IFT80: variants seen among roughly 807,000 people sequenced by gnomAD.
The protein encoded by IFT80 is intraflagellar transport 80, also known as intraflagellar transport protein 80 homolog.
Under a neutral mutation model 107.9 loss-of-function variants are expected in IFT80, and 79 were observed. The observed-to-expected ratio is 0.73, with a 90% CI of 0.61 to 0.88. The LOEUF (loss-of-function observed/expected upper bound fraction) is 0.88. Ranked by LOEUF, IFT80 falls within the 40% of genes least tolerant of loss-of-function variation. The pLI is 0.00. For synonymous variants in IFT80, 299 were observed against 300.9 expected (o/e 0.99, Z 0.07); for missense variants, 797 against 914.2 (o/e 0.87, Z 1.65).
chr3:160,395,063 A>G (rs1713675850), intron 1 of IFT80, among the ~76,000 whole-genome samples: 1 of 152,222 alleles, frequency 6.6e-6, no homozygotes, highest in African/African-American at 2.4e-5. Context: ...AGTATTATTT[A>G]ATCTATCCAC....
intron 8 of IFT80, among the ~76,000 whole-genome samples, chr3:160,340,382 T>C (rs1193448681): frequency 6.6e-6 from 1 of 152,166 alleles, no homozygotes; most frequent in African/African-American, 2.4e-5. Flanking sequence ...TAGAAAAACA[T>C]AATTTGATTA....
intron 5 of IFT80, chr3:160,373,353 T>C (rs1711696283): frequency 6.6e-6 from 1 of 152,202 alleles, no homozygotes; most frequent in Non-Finnish European, 1.5e-5. Flanking sequence ...CTGAATGCAT[T>C]TTCCCCATGA....
chr3:160,382,826 C>T (rs1201773664), intron 2 of IFT80, among the ~76,000 whole-genome samples: 3 of 151,978 alleles, frequency 2.0e-5, no homozygotes, highest in African/African-American at 7.3e-5. Flanking sequence ...TTTTTTAATA[C>T]TTCAAAATAC....
intron 14 of IFT80, 82 bp downstream of exon 14, chr3:160,282,396 T>C (rs915455333): frequency 1.0e-6 from 1 of 1,004,026 alleles, no homozygotes; most frequent in African/African-American, 1.6e-5. Context: ...TTAAAACATT[T>C]CCAGATTCAT....
At chr3:160,366,389 G>A (rs989403864) in intron 5 of IFT80, among the ~76,000 whole-genome samples, 1 of 151,884 alleles carries the variant, frequency 6.6e-6, no homozygotes, top group Non-Finnish European at 1.5e-5. Context: ...TAACTAATTA[G>A]GATCTTGCTG....
rs1307233017 is a variant in IFT80 at position 160,258,397 on chromosome 3, A to G, written c.*128T>C. 1 of 1,125,422 alleles carries G rather than the reference A, an allele frequency of 8.9e-7. No individual in the cohort carries two copies. The highest frequency in any genetic ancestry group is 1.3e-6 in the Non-Finnish European group (1 of 776,338). 69.7% of individuals were successfully genotyped at this position (1,125,422 alleles called of 1,614,324 possible). A position where few individuals can be genotyped will look rare whatever the true frequency, so the allele number is the denominator to read the frequency against. ...ATCTTTCTGCATGTACTTTTACACT[A>G]AATACACAGCAAGTACTTATACTCG... On this transcript the variant is annotated 3_prime_UTR_variant, in exon 20 of 20. Transcript: ENST00000326448.
chr3:160,282,422 C>G (rs1203975001), intron 14 of IFT80, 56 bp downstream of exon 14: 1 of 1,166,508 alleles, frequency 8.6e-7, no homozygotes, highest in Admixed American at 2.2e-5. Context: ...TTATTTATTA[C>G]AGCAAATATA....
chr3:160,334,428 C>CTTT (rs34377587), intron 8 of IFT80, among the ~76,000 whole-genome samples: 10 of 141,944 alleles, frequency 7.0e-5, no homozygotes, highest in African/African-American at 2.3e-4. Flanking sequence ...AATTGGCTCG[C>CTTT]TTTTTTTTTT....
intron 8 of IFT80, among the ~76,000 whole-genome samples, chr3:160,320,458 T>C (rs1485413137): frequency 1.3e-5 from 2 of 151,686 alleles, no homozygotes; most frequent in African/African-American, 4.8e-5. Context: ...CTGCAGTGAG[T>C]ATAACCTCTC....
intron 8 of IFT80, chr3:160,342,981 G>T: frequency 6.4e-6 from 1 of 155,296 alleles, no homozygotes; most frequent in South Asian, 1.9e-4. Context: ...ACTGGACACA[G>T]AATCTGTGTG....
intron 9 of IFT80, among the ~76,000 whole-genome samples, chr3:160,316,383 G>T (rs550691231): frequency 6.6e-6 from 1 of 152,296 alleles, no homozygotes; most frequent in African/African-American, 2.4e-5. Context: ...TCAATGCCTT[G>T]CTTGCAGCCT....
In IFT80 at chr3:160,258,274, G is replaced by A. The variant is rs1712514249; in HGVS notation, c.*251C>T. 2 of 479,088 alleles carry A rather than the reference G, an allele frequency of 4.2e-6. No homozygotes were observed. The highest frequency in any genetic ancestry group is 3.7e-5 in the East Asian group (1 of 27,194). The allele number at this position is 479,088 out of a possible 1,614,324, so 29.7% of individuals were successfully genotyped here. On this transcript the variant is annotated 3_prime_UTR_variant, in exon 20 of 20. Transcript: ENST00000326448. ...ATGGGCAAAAAACTGACATATAATC[G>A]ACACTACACAGGTATCTCTTAAGTA...
intron 12 of IFT80, among the ~76,000 whole-genome samples, chr3:160,287,084 A>G (rs919165763): frequency 3.9e-5 from 6 of 151,996 alleles, no homozygotes; most frequent in Admixed American, 2.0e-4. Context: ...ATGTAATAAA[A>G]CCCCATACAA....
At chr3:160,353,335 A>G (rs1195848175) in intron 8 of IFT80, among the ~76,000 whole-genome samples, 1 of 152,216 alleles carries the variant, frequency 6.6e-6, no homozygotes, top group East Asian at 1.9e-4. Flanking sequence ...CTCTGGTTGC[A>G]GGTAGTGAGA....
chr3:160,318,022 A>G lies in IFT80; in HGVS notation c.957+1738T>C, dbSNP rs907871953. Among the ~76,000 whole-genome samples the G allele has an allele frequency of 6.6e-5, 10 of 151,450 alleles. No individual in the cohort carries two copies. In the South Asian group the frequency reaches 2.1e-3, roughly 31 times the overall value. On this transcript the variant is annotated intron_variant, in intron 9 of 19. Coordinates refer to ENST00000326448, the MANE Select transcript of IFT80 (RefSeq NM_020800.3). ...GATAATGGTAGTGTGGTTATATTAAAACAGAGTCCTTATCTTTTAGTTATA... is the reference window on the plus strand; with the variant it reads ...GATAATGGTAGTGTGGTTATATTAAGACAGAGTCCTTATCTTTTAGTTATA...
intron 5 of IFT80, among the ~76,000 whole-genome samples, chr3:160,366,972 A>G (rs1721915434): frequency 6.6e-6 from 1 of 151,848 alleles, no homozygotes; most frequent in Non-Finnish European, 1.5e-5. Flanking sequence ...CTCCATCTCC[A>G]TGGGTTCCAT....
intron 11 of IFT80, 112 bp from the exon 12 acceptor site, chr3:160,301,158 T>C (rs1444132751): frequency 9.8e-7 from 1 of 1,015,486 alleles, no homozygotes; most frequent in East Asian, 2.7e-5. Context: ...TTACAATTAA[T>C]GTAAATGTGT....
At chr3:160,317,787 CT>C (rs1016304475) in intron 9 of IFT80, among the ~76,000 whole-genome samples, 2 of 151,964 alleles carry the variant, frequency 1.3e-5, no homozygotes, top group African/African-American at 4.8e-5. Flanking sequence ...TAACTTGGTT[CT>C]TCAACAAACA....
chr3:160,391,498 C>G (rs1713379688), intron 1 of IFT80: 1 of 152,086 alleles, frequency 6.6e-6, no homozygotes, highest in South Asian at 2.1e-4. Context: ...CAATGAAACC[C>G]CGTCTCTACT....
Sources: allele counts gnomAD v4.1 joint callset (sites outside exome capture counted in the v4.1 genomes callset), GRCh38; gene constraint gnomAD v4.1.1; transcripts MANE v1.5; gene names NCBI Gene and HGNC (gene_info 2026-07-23, HGNC 2026-07-21).